ATL2: variants seen among roughly 807,000 people sequenced by gnomAD.
The protein encoded by ATL2 is atlastin-2.
In ATL2, 31 loss-of-function variants were observed where a neutral mutation model predicts 73.9. The ratio of observed to expected loss-of-function variants is 0.42; its 90% CI spans 0.32 to 0.57. The LOEUF is 0.57. Ranked by LOEUF, ATL2 falls within the 20% of genes least tolerant of loss-of-function variation. The pLI is 0.14. For missense variants in ATL2, 738 were observed against 702.6 expected (o/e 1.05, Z -0.57); for synonymous variants, 291 against 237.5 (o/e 1.23, Z -2.07).
rs532683462 is a variant in ATL2, at chr2:38,303,164, G to A, written c.1072-2836C>T. Among the ~76,000 whole-genome samples the A allele has an allele frequency of 1.3e-3, 200 of 152,210 alleles. 1 individual carries two copies. Among genetic ancestry groups the A allele is most frequent in the East Asian group, 5.4e-3 (28 of 5,178 alleles). On this transcript the variant is annotated intron_variant, in intron 9 of 12. Coordinates refer to ENST00000378954, the MANE Select transcript of ATL2 (RefSeq NM_001135673.4). ...AGAATAAAGCAGAAATCCTGGATCC[G>A]AAAAATGCAACTGACATACTGAAGA...
chr2:38,348,183 T>C (rs1369656799), intron 1 of ATL2, among the ~76,000 whole-genome samples: 1 of 152,054 alleles, frequency 6.6e-6, no homozygotes, highest in Non-Finnish European at 1.5e-5. Context: ...ATTATGAAGC[T>C]TGGCTAGGCG....
intron 1 of ATL2, among the ~76,000 whole-genome samples, chr2:38,352,133 CAAA>C (rs778821586): frequency 4.4e-4 from 14 of 31,998 alleles, no homozygotes; most frequent in Non-Finnish European, 8.7e-4. Context: ...AAACAACAAC[CAAA>C]AAAAAAAAAA....
chr2:38,372,805 G>A (rs976152873), intron 1 of ATL2, among the ~76,000 whole-genome samples: 8 of 152,116 alleles, frequency 5.3e-5, no homozygotes, highest in South Asian at 4.1e-4. Flanking sequence ...TTGGCAGTGG[G>A]TTAAGCACTT....
chr2:38,354,128 G>A (rs542705120), intron 1 of ATL2: 1 of 413,454 alleles, frequency 2.4e-6, no homozygotes, highest in Non-Finnish European at 4.7e-6. Flanking sequence ...GGAGGTTGCA[G>A]TAAGCGAAGA....
intron 2 of ATL2, among the ~76,000 whole-genome samples, chr2:38,336,542 G>C (rs1380400968): frequency 6.6e-6 from 1 of 152,066 alleles, no homozygotes; most frequent in Non-Finnish European, 1.5e-5. Flanking sequence ...GTAAACCAAA[G>C]TAAATATTTA....
intron 7 of ATL2, among the ~76,000 whole-genome samples, chr2:38,311,106 C>G (rs563170028): frequency 7.5e-5 from 11 of 145,844 alleles, no homozygotes; most frequent in Non-Finnish European, 1.2e-4. Context: ...ACAACAGCAA[C>G]AAAACAGAAC....
intron 1 of ATL2, among the ~76,000 whole-genome samples, chr2:38,361,961 T>A (rs1671040469): frequency 6.6e-6 from 1 of 152,228 alleles, no homozygotes; most frequent in African/African-American, 2.4e-5. Flanking sequence ...CTGTTTCCAC[T>A]ATACCAAACT....
At chr2:38,376,745 C>G (rs887272886) in intron 1 of ATL2, among the ~76,000 whole-genome samples, 3 of 152,006 alleles carry the variant, frequency 2.0e-5, no homozygotes, top group Non-Finnish European at 4.4e-5. Context: ...CGCCCCGCCG[C>G]GTCCGGAGCT....
At chr2:38,323,655 G>A (rs1034415319) in intron 2 of ATL2, among the ~76,000 whole-genome samples, 2 of 152,110 alleles carry the variant, frequency 1.3e-5, no homozygotes, top group African/African-American at 2.4e-5. Flanking sequence ...ATACTCCCTA[G>A]CAACAAAGTG....
At chr2:38,335,323 A>G (rs1384888396) in intron 2 of ATL2, among the ~76,000 whole-genome samples, 2 of 152,168 alleles carry the variant, frequency 1.3e-5, no homozygotes, top group African/African-American at 4.8e-5. Context: ...TTCATAACAG[A>G]AAAAAACTAG....
At chr2:38,356,723 T>A (rs1476480062) in intron 1 of ATL2, among the ~76,000 whole-genome samples, 2 of 152,214 alleles carry the variant, frequency 1.3e-5, no homozygotes, top group African/African-American at 2.4e-5. Flanking sequence ...AACAAAACTG[T>A]TAATGTAAAT....
chr2:38,348,164 T>G (rs1670132887), intron 1 of ATL2, among the ~76,000 whole-genome samples: 1 of 151,996 alleles, frequency 6.6e-6, no homozygotes, highest in South Asian at 2.1e-4. Flanking sequence ...ACACAAAAAT[T>G]CCATAAAAAT....
intron 2 of ATL2, among the ~76,000 whole-genome samples, chr2:38,339,528 G>A (rs530943402): frequency 6.6e-6 from 1 of 151,650 alleles, no homozygotes; most frequent in Non-Finnish European, 1.5e-5. Flanking sequence ...AAATGTGTTT[G>A]AAAACTTAAA....
rs766964288 is a variant in ATL2, at chr2:38,299,329, T to TA, written c.1129-3dup. The TA allele has an allele frequency of 2.2e-4, 335 of 1,514,502 alleles. No individual in the cohort carries two copies. The highest frequency in any genetic ancestry group is 2.5e-4 in the Non-Finnish European group (291 of 1,144,596). 93.8% of individuals were successfully genotyped at this position (1,514,502 alleles called of 1,614,324 possible). On this transcript the variant is annotated splice_polypyrimidine_tract_variant and splice_region_variant and intron_variant, in intron 10 of 12. Coordinates refer to ENST00000378954, the MANE Select transcript of ATL2 (RefSeq NM_001135673.4). ...AAGATTATTAGCTTCAGCTGTTGCC[T>TA]AAAAAATAAAATATGCCATTATTAT...
At chr2:38,368,628 AATTT>A (rs1484698154) in intron 1 of ATL2, among the ~76,000 whole-genome samples, 8 of 152,242 alleles carry the variant, frequency 5.3e-5, no homozygotes. Context: ...AAAAATTGCC[AATTT>A]ATTTAAGAAA....
chr2:38,371,541 TG>T (rs1378911147), intron 1 of ATL2, among the ~76,000 whole-genome samples: 1 of 151,748 alleles, frequency 6.6e-6, no homozygotes, highest in African/African-American at 2.4e-5. Flanking sequence ...AAAAAATTAC[TG>T]TAAGTTTGCT....
At chr2:38,299,210 A>G in intron 11 of ATL2, 46 bp downstream of exon 11, 2 of 1,454,460 alleles carry the variant, frequency 1.4e-6, no homozygotes, top group Non-Finnish European at 9.0e-7. Flanking sequence ...TTTTTAATTT[A>G]AAAATCTTCT....
intron 2 of ATL2, among the ~76,000 whole-genome samples, chr2:38,342,062 C>G (rs927946515): frequency 1.3e-5 from 2 of 152,290 alleles, no homozygotes; most frequent in South Asian, 4.1e-4. Flanking sequence ...CTCCCATTCC[C>G]TCAGTCCAAC....
chr2:38,337,611 TA>T (rs144610594), intron 2 of ATL2, among the ~76,000 whole-genome samples: 2,971 of 151,348 alleles, frequency 0.02, 29 homozygotes, highest in Non-Finnish European at 0.029. Context: ...AAAAAGTCCT[TA>T]TTTTTAAGAG....
Sources: allele counts gnomAD v4.1 joint callset (sites outside exome capture counted in the v4.1 genomes callset), GRCh38; gene constraint gnomAD v4.1.1; transcripts MANE v1.5; gene names NCBI Gene and HGNC (gene_info 2026-07-23, HGNC 2026-07-21).